Variants in PXDNL observed in about 807,000 individuals in gnomAD.
The protein encoded by PXDNL is probable oxidoreductase PXDNL.
A neutral mutation model predicts 150.8 loss-of-function variants in PXDNL; 145 were observed. The ratio of observed to expected loss-of-function variants is 0.96; its 90% CI spans 0.84 to 1.10. PXDNL has a LOEUF of 1.10. Among genes scored for constraint, PXDNL ranks in the 50% least tolerant of loss-of-function variants. The probability of loss-of-function intolerance (pLI) is 0.00; values close to 1 mark genes in which losing one functional copy is unlikely to be tolerated. For synonymous variants in PXDNL, 757 were observed against 725.7 expected (o/e 1.04, Z -0.69); for missense variants, 2,087 against 1,873.9 (o/e 1.11, Z -2.10).
chr8:51,706,551 TTTCA>T (rs1816382367), intron 1 of PXDNL, among the ~76,000 whole-genome samples: 1 of 152,188 alleles, frequency 6.6e-6, no homozygotes, highest in African/African-American at 2.4e-5. Context: ...TTATATTTAT[TTTCA>T]TTAACTACCA....
rs150695449 is a variant in PXDNL at position 51,622,299 on chromosome 8, C to T, written c.237-29601G>A. The stretch of plus-strand genomic sequence containing the variant: ...TCCCCAGAGCCTCTGGGTGAGGGCC[C>T]AGCCACAGACTCCATGATGAGAGTT... On this transcript the variant is annotated intron_variant, in intron 2 of 22. Coordinates refer to ENST00000356297, the MANE Select transcript of PXDNL (RefSeq NM_144651.5). 5.6e-3 allele frequency among the ~76,000 whole-genome samples: 852 copies of T among 152,216 alleles called. 9 individuals carry two copies. The highest frequency in any genetic ancestry group is 0.017 in the Middle Eastern group (5 of 294).
chr8:51,794,762 A>G (rs992214681), intron 1 of PXDNL, among the ~76,000 whole-genome samples: 6 of 152,184 alleles, frequency 3.9e-5, no homozygotes, highest in Admixed American at 2.6e-4. Context: ...CAAGTCTCCA[A>G]AATAACCAGC....
intron 1 of PXDNL, among the ~76,000 whole-genome samples, chr8:51,765,882 C>G (rs2037224073): frequency 1.3e-5 from 2 of 151,202 alleles, no homozygotes; most frequent in African/African-American, 2.4e-5. Context: ...CTCACTCTAT[C>G]CCCCAGGCTG....
rs907397434 is a variant in PXDNL, at chr8:51,600,974, ATAAT to A, written c.237-8280_237-8277del. ...ATCTTCTATAAATTATATAATTTATATAATTAATTATATCTTATATAAATTATAT... is the reference window on the plus strand; with the variant it reads ...ATCTTCTATAAATTATATAATTTATATAATTATATCTTATATAAATTATAT... On this transcript the variant is annotated intron_variant, in intron 2 of 22. Coordinates refer to ENST00000356297, the MANE Select transcript of PXDNL (RefSeq NM_144651.5). Among the ~76,000 whole-genome samples the A allele has an allele frequency of 1.3e-3, 183 of 145,080 alleles. 1 individual carries two copies. The highest frequency in any genetic ancestry group is 2.1e-3 in the Non-Finnish European group (138 of 66,666).
chr8:51,644,398 ATATACACAT>A (rs1281504982), intron 2 of PXDNL, among the ~76,000 whole-genome samples: 3 of 52,164 alleles, frequency 5.8e-5, no homozygotes, highest in Non-Finnish European at 1.2e-4. Context: ...ATGTGTATAT[ATATACACAT>A]GTGTGTGTAT....
intron 17 of PXDNL, among the ~76,000 whole-genome samples, chr8:51,399,722 A>C (rs1005756893): frequency 2.0e-5 from 3 of 152,240 alleles, no homozygotes; most frequent in Admixed American, 6.5e-5. Flanking sequence ...ATTGTACCAC[A>C]TGCCACTTTT....
Position 51,370,667 on chromosome 8 carries a change from G to T in PXDNL, c.3901+1206C>A, listed in dbSNP as rs142009501. ...GCTGGAGTGCAATGGCACAATCTGG[G>T]CTCACTGCAACCTCCGCCTCCAGGG... On this transcript the variant is annotated intron_variant, in intron 19 of 22. Coordinates refer to ENST00000356297, the MANE Select transcript of PXDNL (RefSeq NM_144651.5). Among the ~76,000 whole-genome samples, 796 of 152,296 alleles carry T rather than the reference G, an allele frequency of 5.2e-3. 7 individuals are homozygous for T. Among genetic ancestry groups the T allele is most frequent in the African/African-American group, 0.018 (761 of 41,568 alleles).
intron 1 of PXDNL, among the ~76,000 whole-genome samples, chr8:51,764,256 GC>G (rs1308546933): frequency 1.8e-4 from 27 of 151,756 alleles, no homozygotes; most frequent in Non-Finnish European, 3.5e-4. Context: ...TAAAGAGCAA[GC>G]TTTTTTGGTT....
chr8:51,638,765 C>A (rs1814668303), intron 2 of PXDNL, among the ~76,000 whole-genome samples: 1 of 152,092 alleles, frequency 6.6e-6, no homozygotes, highest in Non-Finnish European at 1.5e-5. Flanking sequence ...GACTTTAACA[C>A]CCCACTGTCA....
chr8:51,608,192 A>C (rs1813906744), intron 2 of PXDNL, among the ~76,000 whole-genome samples: 1 of 147,964 alleles, frequency 6.8e-6, no homozygotes, highest in African/African-American at 2.6e-5. Context: ...GATCAAGACC[A>C]TCCTGGCTAA....
chr8:51,621,225 C>T lies in PXDNL; in HGVS notation c.237-28527G>A, dbSNP rs190196087. 8.7e-3 allele frequency among the ~76,000 whole-genome samples: 1,330 copies of T among 152,240 alleles called. 13 individuals carry two copies. The highest frequency in any genetic ancestry group is 0.065 in the Middle Eastern group (19 of 294). On this transcript the variant is annotated intron_variant, in intron 2 of 22. Coordinates refer to ENST00000356297, the MANE Select transcript of PXDNL (RefSeq NM_144651.5). ...CACATATCTACACATCATAAAATTT[C>T]TACCCATCTGTAGATTCTAGAATAG...
At chr8:51,418,731 A>G (rs913009583) in intron 14 of PXDNL, among the ~76,000 whole-genome samples, 1 of 152,208 alleles carries the variant, frequency 6.6e-6, no homozygotes, top group African/African-American at 2.4e-5. Context: ...AAAAGGTCCC[A>G]CTAACCTAAA....
intron 1 of PXDNL, among the ~76,000 whole-genome samples, chr8:51,743,673 T>C (rs1048894048): frequency 6.6e-6 from 1 of 152,040 alleles, no homozygotes; most frequent in Non-Finnish European, 1.5e-5. Context: ...TGAGCCACCA[T>C]GCCCGGGCAA....
intron 12 of PXDNL, among the ~76,000 whole-genome samples, chr8:51,444,961 C>T (rs531670763): frequency 7.3e-5 from 11 of 151,484 alleles, no homozygotes; most frequent in South Asian, 6.3e-4. Context: ...GGCTGGAGTG[C>T]GGTGGCATGA....
chr8:51,722,584 T>C (rs892077146), intron 1 of PXDNL, among the ~76,000 whole-genome samples: 3 of 152,120 alleles, frequency 2.0e-5, no homozygotes, highest in Non-Finnish European at 2.9e-5. Flanking sequence ...CTCAGAGGGA[T>C]GGATAGGGAG....
At chr8:51,528,273 C>T (rs1282381552) in intron 4 of PXDNL, among the ~76,000 whole-genome samples, 1 of 124,040 alleles carries the variant, frequency 8.1e-6, no homozygotes, top group African/African-American at 2.5e-5. Context: ...AATAATTTCA[C>T]TTAAGGATAT....
intron 2 of PXDNL, among the ~76,000 whole-genome samples, chr8:51,648,219 C>T (rs1437676054): frequency 6.6e-6 from 1 of 152,086 alleles, no homozygotes; most frequent in Non-Finnish European, 1.5e-5. Flanking sequence ...TAATGGCCAC[C>T]CAAAAATATC....
At chr8:51,554,830 C>T in intron 4 of PXDNL, among the ~76,000 whole-genome samples, 1 of 151,900 alleles carries the variant, frequency 6.6e-6, no homozygotes, top group Non-Finnish European at 1.5e-5. Flanking sequence ...ACTTAAGCAA[C>T]CTCTAAGAAG....
intron 19 of PXDNL, among the ~76,000 whole-genome samples, chr8:51,364,490 T>G (rs904242840): frequency 6.6e-6 from 1 of 152,232 alleles, no homozygotes; most frequent in Non-Finnish European, 1.5e-5. Context: ...CTCTTATCTT[T>G]CTATTTTTTT....
Sources: gnomAD v4.1 joint callset for allele counts (sites outside exome capture counted in the v4.1 genomes callset) on GRCh38, gnomAD v4.1.1 for gene constraint, MANE v1.5 for transcripts, NCBI Gene and HGNC (gene_info 2026-07-23, HGNC 2026-07-21) for gene names.